The following SENP2 variants were observed in gnomAD, a reference collection of about 807,000 sequenced individuals.
SENP2 encodes the protein SUMO specific peptidase 2.
In SENP2, 16 loss-of-function variants were observed where a neutral mutation model predicts 86.3. That is an observed-to-expected ratio of 0.19 (90% CI 0.13 to 0.28). SENP2 has a LOEUF of 0.28. SENP2 is among the 10% of genes least tolerant of loss of function. The probability of loss-of-function intolerance (pLI) is 1.00; values close to 1 mark genes in which losing one functional copy is unlikely to be tolerated. For missense variants in SENP2, 552 were observed against 703.0 expected (o/e 0.79, Z 2.43); for synonymous variants, 222 against 238.7 (o/e 0.93, Z 0.64).
Position 185,632,220 on chromosome 3 carries a change from T to TTTTG in SENP2, c.*2380_*2383dup, listed in dbSNP as rs1553842412. The TTTTG allele has an allele frequency of 1.5e-4, 10 of 68,910 alleles. No homozygotes were observed. Among genetic ancestry groups the TTTTG allele is most frequent in the Non-Finnish European group, 2.8e-4 (9 of 32,006 alleles). The allele number at this position is 68,910 out of a possible 1,614,324, so 4.3% of individuals were successfully genotyped here. A position where few individuals can be genotyped will look rare whatever the true frequency, so the allele number is the denominator to read the frequency against. On this transcript the variant is annotated 3_prime_UTR_variant, in exon 17 of 17. Coordinates refer to ENST00000296257, the MANE Select transcript of SENP2 (RefSeq NM_021627.3). ...TCACCATTAAAGCCAGTGGTTTTTTTTTTGTTTTTTTTTTTTGTTTTTTTT... is the reference window on the plus strand; with the variant it reads ...TCACCATTAAAGCCAGTGGTTTTTTTTTTGTTTGTTTTTTTTTTTTGTTTTTTTT...
intron 5 of SENP2, among the ~76,000 whole-genome samples, chr3:185,605,509 C>T (rs776856550): frequency 3.3e-5 from 5 of 152,106 alleles, no homozygotes; most frequent in Non-Finnish European, 5.9e-5. Context: ...TTTCCTAATA[C>T]AGGATCCAGT....
At position 185,630,996 on chromosome 3, in the gene SENP2, T is replaced by C. The variant is rs1045418463; in HGVS notation, c.*1152T>C. On this transcript the variant is annotated 3_prime_UTR_variant, in exon 17 of 17. Transcript: ENST00000296257. The stretch of plus-strand genomic sequence containing the variant: ...TCATTAAAAACCTTACTGATATGGT[T>C]ATAACTTCAGACAGTTTAGAGTTGG... 6.6e-6 allele frequency: 1 copy of C among 152,214 alleles called. No homozygotes were observed. The highest frequency in any genetic ancestry group is 1.5e-5 in the Non-Finnish European group (1 of 68,036). The allele number at this position is 152,214 out of a possible 1,614,324, so 9.4% of individuals were successfully genotyped here.
chr3:185,608,825 G>A (rs1460088719), intron 6 of SENP2, among the ~76,000 whole-genome samples: 5 of 152,260 alleles, frequency 3.3e-5, no homozygotes, highest in Admixed American at 6.5e-5. Flanking sequence ...CTGGAAAAGT[G>A]TCTATTAAAT....
chr3:185,619,412 A>T lies in SENP2; in HGVS notation c.1356A>T (p.Gln452His). 1 of 1,614,162 alleles carries T rather than the reference A, an allele frequency of 6.2e-7. No homozygotes were observed. Among genetic ancestry groups the T allele is most frequent in the Non-Finnish European group, 8.5e-7 (1 of 1,180,000 alleles). Residue 452 changes from glutamine to histidine, a missense_variant, in exon 13 of 17, where the codon CAA becomes CAT. Around this residue, in one of 2 missense-constraint regions of SENP2, gnomAD observed 169 missense variants for 275.7 expected, o/e 0.61. Transcript: ENST00000296257. ...CTAAATTAAAGTCTGGGGGTTACCAAGCAGTGAAACGATGGACCAAAGGGG... is the reference window on the plus strand; with the variant it reads ...CTAAATTAAAGTCTGGGGGTTACCATGCAGTGAAACGATGGACCAAAGGGG... ...FYPKLKSGGYQAVKRWTKGVN... is the reference protein window; with the variant it reads ...FYPKLKSGGYHAVKRWTKGVN...
intron 16 of SENP2, among the ~76,000 whole-genome samples, chr3:185,629,234 C>G (rs1253525357): frequency 6.6e-6 from 1 of 152,198 alleles, no homozygotes; most frequent in Admixed American, 6.5e-5. Context: ...TTGTACTATA[C>G]TGTATAATTC....
At chr3:185,599,303 C>A (rs998140114) in intron 4 of SENP2, among the ~76,000 whole-genome samples, 10 of 152,146 alleles carry the variant, frequency 6.6e-5, no homozygotes, top group African/African-American at 2.2e-4. Flanking sequence ...AAAACATTTC[C>A]TGAGAACTTA....
At chr3:185,596,811 T>C (rs1722190743) in intron 2 of SENP2, among the ~76,000 whole-genome samples, 1 of 152,184 alleles carries the variant, frequency 6.6e-6, no homozygotes, top group African/African-American at 2.4e-5. Context: ...CCTTGTTGTT[T>C]AATCATGCCC....
chr3:185,625,877 T>C (rs1712122182), intron 15 of SENP2, among the ~76,000 whole-genome samples: 1 of 152,196 alleles, frequency 6.6e-6, no homozygotes, highest in African/African-American at 2.4e-5. Context: ...TCAGTTTGGT[T>C]TCTTGGAATG....
intron 16 of SENP2, among the ~76,000 whole-genome samples, chr3:185,627,657 T>C (rs1453659495): frequency 1.3e-5 from 2 of 152,184 alleles, no homozygotes; most frequent in Non-Finnish European, 2.9e-5. Flanking sequence ...GTGATCCACC[T>C]GCCTCAGCCT....
chr3:185,617,808 C>T (rs930348255), intron 12 of SENP2, among the ~76,000 whole-genome samples, 197 bp downstream of exon 12: 2 of 152,152 alleles, frequency 1.3e-5, no homozygotes, highest in African/African-American at 2.4e-5. Flanking sequence ...CCCTTTTCTG[C>T]GTCTGTATTT....
rs1464591187 is a variant in SENP2, at chr3:185,590,184, T to C, written c.157+15T>C. ...ACCAAGATTAGGTACTGAATATAAA[T>C]TTTAAAAATTTTTAGTTTTTAAATA... is the stretch of plus-strand genomic sequence containing the variant. On this transcript the variant is annotated intron_variant, in intron 2 of 16. Transcript: ENST00000296257. 3 of 1,407,282 alleles carry C rather than the reference T, an allele frequency of 2.1e-6. No individual in the cohort carries two copies. The highest frequency in any genetic ancestry group is 1.4e-5 in the South Asian group (1 of 70,768). The allele number at this position is 1,407,282 out of a possible 1,614,324, so 87.2% of individuals were successfully genotyped here.
At chr3:185,617,745 A>G in intron 12 of SENP2, 134 bp downstream of exon 12, 1 of 699,982 alleles carries the variant, frequency 1.4e-6, no homozygotes, top group Non-Finnish European at 2.3e-6. Context: ...AAAACATTTT[A>G]AATCTTAAAA....
intron 16 of SENP2, among the ~76,000 whole-genome samples, chr3:185,629,575 C>CA (rs34843707): frequency 0.2 from 23,822 of 116,798 alleles, 2,142 homozygotes; most frequent in Middle Eastern, 0.34. Flanking sequence ...GACTCCATCT[C>CA]AAAAAAAAAA....
rs762860960 is a variant in SENP2, at chr3:185,586,479, T to C, written c.66T>C (p.Pro22=). 3.7e-6 allele frequency: 6 copies of C among 1,613,834 alleles called. No individual in the cohort carries two copies. Among genetic ancestry groups the C allele is most frequent in the Middle Eastern group, 1.6e-4 (1 of 6,062 alleles). The change falls in exon 1 of 17, where the codon CCT becomes CCC. Residue 22 remains proline (P), a synonymous_variant. Transcript: ENST00000296257. This position sits in a 1 kb window ranked among gnomAD's most constrained non-coding sequence, Gnocchi z 4.3. ...IFRFCDRSVP[P]ARALLKRRRS... ...GTTTCTGCGACCGGTCGGTGCCCCC[T>C]GCCCGGGCCCTCCTGAAGAGGCGGC...
At chr3:185,628,559 T>G (rs1712257517) in intron 16 of SENP2, among the ~76,000 whole-genome samples, 1 of 152,164 alleles carries the variant, frequency 6.6e-6, no homozygotes, top group Admixed American at 6.5e-5. Flanking sequence ...CAGGCTGGAG[T>G]GCAATGGCGC....
At chr3:185,621,775 C>T (rs769877730) in intron 13 of SENP2, 51 bp from the exon 14 acceptor site, 10 of 1,082,266 alleles carry the variant, frequency 9.2e-6, no homozygotes, top group East Asian at 2.4e-5. Context: ...GTAAAATTCT[C>T]ACTCCTCTTA....
intron 6 of SENP2, 131 bp downstream of exon 6, chr3:185,606,629 A>G: frequency 2.5e-6 from 2 of 789,568 alleles, no homozygotes; most frequent in South Asian, 2.2e-5. Flanking sequence ...AGCCTCCAAC[A>G]AAATGAGGCT....
chr3:185,612,467 G>A, intron 8 of SENP2, 140 bp from the exon 9 acceptor site: 1 of 614,496 alleles, frequency 1.6e-6, no homozygotes, highest in Non-Finnish European at 2.9e-6. Flanking sequence ...TATATAGGGA[G>A]GCTAGTGTCT....
At chr3:185,618,093 C>T (rs753002484) in intron 12 of SENP2, among the ~76,000 whole-genome samples, 10 of 152,104 alleles carry the variant, frequency 6.6e-5, no homozygotes, top group African/African-American at 1.9e-4. Flanking sequence ...TACAGGCATG[C>T]GCCACCATGC....
Sources: allele counts gnomAD v4.1 joint callset (sites outside exome capture counted in the v4.1 genomes callset), GRCh38; gene constraint gnomAD v4.1.1; regional missense constraint gnomAD v4.1.1; non-coding constraint Gnocchi (gnomAD v3.1); transcripts MANE v1.5; gene names NCBI Gene and HGNC (gene_info 2026-07-23, HGNC 2026-07-21).